TRPM3: variants seen among roughly 807,000 people sequenced by gnomAD.
TRPM3 encodes long transient receptor potential channel 3.
In TRPM3, 77 loss-of-function variants were observed where a neutral mutation model predicts 181.2. That is an observed-to-expected ratio of 0.42 (90% CI 0.35 to 0.51). TRPM3 has a LOEUF of 0.51. Ranked by LOEUF, TRPM3 falls within the 20% of genes least tolerant of loss-of-function variation. The pLI, the probability that TRPM3 is intolerant of heterozygous loss-of-function variation, is 0.01. For synonymous variants in TRPM3, 745 were observed against 796.4 expected (o/e 0.94, Z 1.09); for missense variants, 1,759 against 2,196.7 (o/e 0.80, Z 3.98).
intron 1 of TRPM3, among the ~76,000 whole-genome samples, chr9:71,164,416 C>T (rs993568565): frequency 6.6e-6 from 1 of 152,112 alleles, no homozygotes; most frequent in Non-Finnish European, 1.5e-5. Flanking sequence ...TTAGAGCCGA[C>T]GGGAACTCTA....
chr9:71,212,660 A>G (rs2079578271), intron 1 of TRPM3, among the ~76,000 whole-genome samples: 1 of 152,208 alleles, frequency 6.6e-6, no homozygotes, highest in South Asian at 2.1e-4. Context: ...GAAGAAAGAC[A>G]CTTTCAAGAT....
intron 1 of TRPM3, among the ~76,000 whole-genome samples, chr9:71,263,925 G>T (rs1015191403): frequency 6.6e-6 from 1 of 152,104 alleles, no homozygotes; most frequent in African/African-American, 2.4e-5. Context: ...GACCACAGGT[G>T]CATGCTACCA....
At chr9:70,917,154 A>G (rs544339353) in intron 1 of TRPM3, 2 of 1,605,870 alleles carry the variant, frequency 1.2e-6, no homozygotes, top group Non-Finnish European at 1.7e-6. Context: ...TCTGGGGCAT[A>G]CTGGTCCAGT....
chr9:70,932,318 G>A (rs1159647857), intron 1 of TRPM3, among the ~76,000 whole-genome samples: 1 of 151,992 alleles, frequency 6.6e-6, no homozygotes, highest in African/African-American at 2.4e-5. Context: ...CTTCCTGCCT[G>A]CCTGCTTGCC....
intron 1 of TRPM3, among the ~76,000 whole-genome samples, chr9:71,077,057 C>T (rs187214154): frequency 3.5e-4 from 54 of 152,294 alleles, no homozygotes; most frequent in African/African-American, 1.3e-3. Context: ...TCTTTCTTCC[C>T]TTTCAACTCC....
intron 1 of TRPM3, among the ~76,000 whole-genome samples, chr9:71,288,252 G>A (rs1156230341): frequency 6.6e-6 from 1 of 151,692 alleles, no homozygotes; most frequent in East Asian, 1.9e-4. Flanking sequence ...TGAATAGAAG[G>A]AGAAGGCATG....
At position 70,530,773 on chromosome 9, in the gene TRPM3, G is replaced by C. The variant is rs2040771683; in HGVS notation, c.*5180C>G. On this transcript the variant is annotated 3_prime_UTR_variant, in exon 26 of 26. Transcript: ENST00000677713. ...TTGGTTGACTCCAATCTGAGAGACA[G>C]AATATCCAACTTGTAAAAAGAAGAG... 1 of 152,196 alleles carries C rather than the reference G, an allele frequency of 6.6e-6. No individual in the cohort carries two copies. Among genetic ancestry groups the C allele is most frequent in the Non-Finnish European group, 1.5e-5 (1 of 68,034 alleles). 9.4% of individuals were successfully genotyped at this position (152,196 alleles called of 1,614,324 possible).
chr9:71,194,734 A>G (rs1227705750), intron 1 of TRPM3, among the ~76,000 whole-genome samples: 1 of 152,082 alleles, frequency 6.6e-6, no homozygotes, highest in South Asian at 2.1e-4. Flanking sequence ...TTTTAGCCAT[A>G]AACAACTGGT....
At chr9:71,225,619 T>G (rs1373161782) in intron 1 of TRPM3, among the ~76,000 whole-genome samples, 1 of 152,166 alleles carries the variant, frequency 6.6e-6, no homozygotes, top group South Asian at 2.1e-4. Context: ...ACTACTCATA[T>G]CTTAAGTAAA....
intron 5 of TRPM3, among the ~76,000 whole-genome samples, chr9:70,838,567 A>G (rs575947351): frequency 3.4e-4 from 51 of 152,214 alleles, no homozygotes; most frequent in Non-Finnish European, 1.3e-4. Flanking sequence ...CAGCTGTGGT[A>G]ACATTACAAT....
chr9:71,248,717 T>C (rs2082174340), intron 1 of TRPM3, among the ~76,000 whole-genome samples: 1 of 152,188 alleles, frequency 6.6e-6, no homozygotes, highest in Non-Finnish European at 1.5e-5. Context: ...AAGACACTTT[T>C]AACAGAGCCC....
chr9:70,875,040 C>T (rs1366458062), intron 1 of TRPM3, among the ~76,000 whole-genome samples: 2 of 151,926 alleles, frequency 1.3e-5, no homozygotes, highest in Admixed American at 6.6e-5. Flanking sequence ...TATTTATCCT[C>T]ACAAGGTACA....
At chr9:70,643,097 G>A (rs1367082877) in intron 9 of TRPM3, among the ~76,000 whole-genome samples, 4 of 152,104 alleles carry the variant, frequency 2.6e-5, no homozygotes, top group Non-Finnish European at 4.4e-5. Flanking sequence ...CAGCTCTCAC[G>A]TGGAATTTTC....
At chr9:71,144,932 T>C (rs1297852020) in intron 1 of TRPM3, among the ~76,000 whole-genome samples, 4 of 152,180 alleles carry the variant, frequency 2.6e-5, no homozygotes, top group African/African-American at 7.2e-5. Flanking sequence ...TTGGCATGCA[T>C]GTATCCATGA....
chr9:71,194,785 T>C (rs950207553), intron 1 of TRPM3, among the ~76,000 whole-genome samples: 2 of 151,778 alleles, frequency 1.3e-5, no homozygotes, highest in African/African-American at 2.4e-5. Flanking sequence ...ATTGGGAGTA[T>C]GCAACACTTA....
chr9:70,991,071 T>A (rs1163032632), intron 1 of TRPM3, among the ~76,000 whole-genome samples: 2 of 152,184 alleles, frequency 1.3e-5, no homozygotes, highest in Non-Finnish European at 2.9e-5. Flanking sequence ...TGAACCAGAA[T>A]GAAATCTTTC....
intron 1 of TRPM3, among the ~76,000 whole-genome samples, chr9:71,138,967 A>G (rs905721730): frequency 1.1e-4 from 17 of 152,168 alleles, no homozygotes; most frequent in Non-Finnish European, 1.5e-4. Flanking sequence ...AGAATGCCTC[A>G]TGATTAGTAT....
At chr9:71,435,520 C>A (rs2094019173) in intron 1 of TRPM3, among the ~76,000 whole-genome samples, 1 of 152,166 alleles carries the variant, frequency 6.6e-6, no homozygotes, top group Non-Finnish European at 1.5e-5. Flanking sequence ...CCAAAGTGTG[C>A]AAGGAACCTC....
At chr9:71,233,217 AT>A (rs2081174469) in intron 1 of TRPM3, among the ~76,000 whole-genome samples, 1 of 152,256 alleles carries the variant, frequency 6.6e-6, no homozygotes, top group East Asian at 1.9e-4. Context: ...CAAATGAATC[AT>A]TTTCCCTCCT....
Sources: gnomAD v4.1 joint callset for allele counts (sites outside exome capture counted in the v4.1 genomes callset) on GRCh38, gnomAD v4.1.1 for gene constraint, MANE v1.5 for transcripts, NCBI Gene and HGNC (gene_info 2026-07-23, HGNC 2026-07-21) for gene names.